The following PER3 variants were observed in gnomAD, a reference collection of about 807,000 sequenced individuals.
The protein encoded by PER3 is period circadian protein homolog 3.
PER3 carries 107 observed loss-of-function variants against 127.2 expected under a neutral mutation model. The ratio of observed to expected loss-of-function variants is 0.84; its 90% CI spans 0.72 to 0.99. The LOEUF (loss-of-function observed/expected upper bound fraction) is 0.99, where lower values mean the gene tolerates loss of function less well. Ranked by LOEUF, PER3 falls within the 50% of genes least tolerant of loss-of-function variation. The probability of loss-of-function intolerance (pLI) is 0.00; values close to 1 mark genes in which losing one functional copy is unlikely to be tolerated. For missense variants in PER3, 1,560 were observed against 1,525.8 expected, an observed-to-expected ratio of 1.02 and a Z score of -0.37; for synonymous variants, 618 against 585.8, an observed-to-expected ratio of 1.05 and a Z score of -0.79.
intron 6 of PER3, among the ~76,000 whole-genome samples, chr1:7,794,614 C>T (rs554359045): frequency 3.3e-5 from 5 of 152,184 alleles, no homozygotes; most frequent in African/African-American, 4.8e-5. Context: ...TTGTTTTGGG[C>T]TCTTTTTTGT....
At chr1:7,816,389 C>G (rs1198478329) in intron 13 of PER3, among the ~76,000 whole-genome samples, 1 of 152,066 alleles carries the variant, frequency 6.6e-6, no homozygotes, top group Non-Finnish European at 1.5e-5. Flanking sequence ...GCCATACCAC[C>G]CTGAACGTAC....
chr1:7,788,352 C>G, intron 5 of PER3, 106 bp downstream of exon 5: 1 of 779,916 alleles, frequency 1.3e-6, no homozygotes, highest in Non-Finnish European at 2.1e-6. Context: ...TGCACACTAT[C>G]TGGTTTTTCT....
intron 13 of PER3, among the ~76,000 whole-genome samples, chr1:7,813,674 A>G (rs556066389): frequency 3.3e-5 from 5 of 152,382 alleles, no homozygotes; most frequent in African/African-American, 4.8e-5. Context: ...TACATGCTGT[A>G]GAACCATTAC....
chr1:7,824,522 C>G (rs1298719771), intron 16 of PER3, among the ~76,000 whole-genome samples: 2 of 151,604 alleles, frequency 1.3e-5, no homozygotes, highest in African/African-American at 2.4e-5. Flanking sequence ...TGCCTTTTTT[C>G]CTTATTATGG....
At chr1:7,786,346 A>G (rs776122903) in intron 3 of PER3, among the ~76,000 whole-genome samples, 5 of 152,292 alleles carry the variant, frequency 3.3e-5, no homozygotes, top group African/African-American at 7.2e-5. Flanking sequence ...TCTCTCTGAC[A>G]TTTCCAGGGA....
At chr1:7,839,838 A>C (rs1455342403) in intron 21 of PER3, among the ~76,000 whole-genome samples, 1 of 152,082 alleles carries the variant, frequency 6.6e-6, no homozygotes, top group Non-Finnish European at 1.5e-5. Context: ...ACGGTATTTA[A>C]TTATAGTGTG....
At chr1:7,809,455 G>A (rs552464818) in intron 11 of PER3, among the ~76,000 whole-genome samples, 7 of 152,160 alleles carry the variant, frequency 4.6e-5, no homozygotes, top group Admixed American at 3.9e-4. Context: ...TAGAACTAAT[G>A]GTGTCGTGTA....
In PER3 at chr1:7,820,680, T is replaced by A. The variant is rs755774319; in HGVS notation, c.1957+40T>A. 17 of 1,516,548 alleles carry A rather than the reference T, an allele frequency of 1.1e-5. No homozygotes were observed. The East Asian group carries it at 2.7e-4, about 24-fold the overall frequency. The allele number at this position is 1,516,548 out of a possible 1,614,324, so 93.9% of individuals were successfully genotyped here. ...TCTTACTTTGAAAATATACTCAACT[T>A]TAACTACATTGTGATGAGAAAACAA... is the stretch of plus-strand genomic sequence containing the variant. On this transcript the variant is annotated intron_variant, in intron 16 of 21. Coordinates refer to ENST00000377532, the MANE Select transcript of PER3 (RefSeq NM_001377275.1).
chr1:7,818,629 C>G (rs2097262222), intron 13 of PER3, among the ~76,000 whole-genome samples: 1 of 152,122 alleles, frequency 6.6e-6, no homozygotes, highest in Non-Finnish European at 1.5e-5. Flanking sequence ...GAGGTTTTTT[C>G]TTCTCTCTAA....
rs995026064 is a variant in PER3 at position 7,784,679 on chromosome 1, C to T, written c.-199C>T. ...GCCGGAGTCCTGAAAGTCGAGCGAG[C>T]TCCGGGTTTTGAAAATGTTGGAGGG... is the stretch of plus-strand genomic sequence containing the variant. On this transcript the variant is annotated 5_prime_UTR_variant, in exon 2 of 22. Coordinates refer to ENST00000377532, the MANE Select transcript of PER3 (RefSeq NM_001377275.1). 3 of 501,174 alleles carry T rather than the reference C, an allele frequency of 6.0e-6. No individual in the cohort carries two copies. The highest frequency in any genetic ancestry group is 6.7e-6 in the Non-Finnish European group (2 of 296,996). The allele number at this position is 501,174 out of a possible 1,614,324, so 31.0% of individuals were successfully genotyped here. A position where few individuals can be genotyped will look rare whatever the true frequency, so the allele number is the denominator to read the frequency against.
chr1:7,786,791 TGAG>T lies in PER3; in HGVS notation c.349_351del (p.Glu117del). 1.2e-6 allele frequency: 2 copies of T among 1,611,888 alleles called. No homozygotes were observed. Among genetic ancestry groups the T allele is most frequent in the East Asian group, 2.2e-5 (1 of 44,868 alleles). ...AGGCAGATGTGAGCATGTACAGTCT[TGAG>T]GAGCTGGCCACTATCGCTTCAGAAC... On this transcript the variant is annotated inframe_deletion, in exon 4 of 22. Coordinates refer to ENST00000377532, the MANE Select transcript of PER3 (RefSeq NM_001377275.1).
At chr1:7,835,984 T>C in intron 20 of PER3, 39 bp downstream of exon 20, 1 of 1,411,684 alleles carries the variant, frequency 7.1e-7, no homozygotes, top group Non-Finnish European at 9.8e-7. Context: ...TTTATATTTT[T>C]GTGGTTTCTT....
chr1:7,844,009 AT>A lies in PER3; in HGVS notation c.*1255del. The stretch of plus-strand genomic sequence containing the variant: ...AGGGTTACAGTAACCTGTTGTCTTT[AT>A]ATAACTTGCAACAAACTAATTTATT... On this transcript the variant is annotated 3_prime_UTR_variant, in exon 22 of 22. Transcript: ENST00000377532. 8 of 1,147,252 alleles carry A rather than the reference AT, an allele frequency of 7.0e-6. No individual in the cohort carries two copies. The highest frequency in any genetic ancestry group is 2.2e-6 in the Non-Finnish European group (2 of 907,116). 71.1% of individuals were successfully genotyped at this position (1,147,252 alleles called of 1,614,324 possible).
intron 11 of PER3, 48 bp from the exon 12 acceptor site, chr1:7,809,845 C>T: frequency 6.3e-7 from 1 of 1,584,130 alleles, no homozygotes. Context: ...GCGGTGGCTG[C>T]ATTTGAACAG....
At chr1:7,831,959 T>C (rs2097333338) in intron 19 of PER3, among the ~76,000 whole-genome samples, 1 of 152,210 alleles carries the variant, frequency 6.6e-6, no homozygotes, top group Admixed American at 6.5e-5. Flanking sequence ...GTTGAACTGA[T>C]ATTATTTTTT....
chr1:7,796,319 C>CTTTTT lies in PER3; in HGVS notation c.645-2193_645-2189dup, dbSNP rs71567315. On this transcript the variant is annotated intron_variant, in intron 6 of 21. Transcript: ENST00000377532. ...GGTAGGAAACGTTCATTTCAGTTTC[C>CTTTTT]TTTTTTTTTTTTTTTTTGAGACAGG... Among the ~76,000 whole-genome samples the CTTTTT allele has an allele frequency of 5.5e-4, 60 of 109,818 alleles. 2 individuals are homozygous for CTTTTT. The highest frequency in any genetic ancestry group is 1.3e-3 in the African/African-American group (40 of 30,910). The allele number at this position is 109,818 out of a possible 152,430, so 72.0% of individuals were successfully genotyped here.
rs7551548 is a variant in PER3 at position 7,826,057 on chromosome 1, C to T, written c.1958-423C>T. ...TTCACTCCAGCGGAATGGTCTTCTG[C>T]AGGGGAAACAAATGAGAACTAGACA... is the stretch of plus-strand genomic sequence containing the variant. On this transcript the variant is annotated intron_variant, in intron 16 of 21. Transcript: ENST00000377532. The surrounding 1 kb of genome is among the most constrained non-coding windows in gnomAD (Gnocchi z 4.2). Among the ~76,000 whole-genome samples, 29,747 of 151,882 alleles carry T rather than the reference C, an allele frequency of 0.2. 3,075 individuals carry two copies. Among genetic ancestry groups the T allele is most frequent in the South Asian group, 0.27 (1,308 of 4,808 alleles).
In PER3 at chr1:7,801,099, T is replaced by C; in HGVS notation, c.794-14T>C. 6.4e-7 allele frequency: 1 copy of C among 1,560,918 alleles called. No individual in the cohort carries two copies. Among genetic ancestry groups the C allele is most frequent in the Non-Finnish European group, 8.8e-7 (1 of 1,135,576 alleles). The stretch of plus-strand genomic sequence containing the variant: ...TATTTGCCTTTAAATGGGTCTTTGT[T>C]TTTTTTTCCTTAGCTCCTCGGATCC... On this transcript the variant is annotated splice_polypyrimidine_tract_variant and intron_variant, in intron 7 of 21. Transcript: ENST00000377532.
rs1484747272 is a variant in PER3 at position 7,801,093 on chromosome 1, CTTTG to C, written c.794-16_794-13del. ...ATTAGATATTTGCCTTTAAATGGGT[CTTTG>C]TTTTTTTTTCCTTAGCTCCTCGGAT... On this transcript the variant is annotated splice_polypyrimidine_tract_variant and intron_variant, in intron 7 of 21. Coordinates refer to ENST00000377532, the MANE Select transcript of PER3 (RefSeq NM_001377275.1). The C allele has an allele frequency of 2.0e-6, 3 of 1,512,622 alleles. No homozygotes were observed. Among genetic ancestry groups the C allele is most frequent in the African/African-American group, 1.4e-5 (1 of 72,420 alleles). 93.7% of individuals were successfully genotyped at this position (1,512,622 alleles called of 1,614,324 possible). A position where few individuals can be genotyped will look rare whatever the true frequency, so the allele number is the denominator to read the frequency against.
Sources: gnomAD v4.1 joint callset for allele counts (sites outside exome capture counted in the v4.1 genomes callset) on GRCh38, gnomAD v4.1.1 for gene constraint, Gnocchi (gnomAD v3.1) non-coding constraint, MANE v1.5 for transcripts, NCBI Gene and HGNC (gene_info 2026-07-23, HGNC 2026-07-21) for gene names.